Variants in WDR25 observed in about 807,000 individuals in gnomAD.
WDR25 encodes WD repeat domain 25, also known as WD repeat-containing protein 25.
A neutral mutation model predicts 47.7 loss-of-function variants in WDR25; 35 were observed. The observed-to-expected ratio is 0.73, with a 90% CI of 0.56 to 0.97. The LOEUF (loss-of-function observed/expected upper bound fraction) is 0.97. Ranked by LOEUF, WDR25 falls within the 50% of genes least tolerant of loss-of-function variation. The pLI, the probability that WDR25 is intolerant of heterozygous loss-of-function variation, is 0.00. For synonymous variants in WDR25, 248 were observed against 278.9 expected (o/e 0.89, Z 1.10); for missense variants, 634 against 704.7 (o/e 0.90, Z 1.14).
At chr14:100,382,616 G>A (rs2140139575) in intron 2 of WDR25, among the ~76,000 whole-genome samples, 1 of 152,320 alleles carries the variant, frequency 6.6e-6, no homozygotes, top group East Asian at 1.9e-4. Context: ...ATAGGTCGTT[G>A]TGCCCACCTG....
intron 2 of WDR25, among the ~76,000 whole-genome samples, chr14:100,456,719 A>G (rs1439339208): frequency 6.6e-6 from 1 of 152,202 alleles, no homozygotes; most frequent in Non-Finnish European, 1.5e-5. Flanking sequence ...AGCTTGGGGG[A>G]AAAATGAACA....
chr14:100,462,901 C>T (rs991596882), intron 2 of WDR25, among the ~76,000 whole-genome samples: 2 of 74,402 alleles, frequency 2.7e-5, no homozygotes, highest in African/African-American at 2.3e-4. Flanking sequence ...CCTCTCCCCG[C>T]TTCCTCTCCC....
intron 2 of WDR25, among the ~76,000 whole-genome samples, chr14:100,450,603 G>A (rs1245981339): frequency 6.6e-6 from 1 of 152,186 alleles, no homozygotes; most frequent in African/African-American, 2.4e-5. Flanking sequence ...GCCTCTCTTT[G>A]CCCATCTGTA....
At chr14:100,489,504 T>G (rs1232284273) in intron 4 of WDR25, among the ~76,000 whole-genome samples, 1 of 152,224 alleles carries the variant, frequency 6.6e-6, no homozygotes, top group East Asian at 1.9e-4. Context: ...TGAATCAGAT[T>G]TGTTAAGAAA....
At chr14:100,524,164 T>A (rs555392815) in intron 4 of WDR25, among the ~76,000 whole-genome samples, 1 of 152,098 alleles carries the variant, frequency 6.6e-6, no homozygotes, top group East Asian at 1.9e-4. Flanking sequence ...AAGTTTGTCT[T>A]GGGAGGCAGG....
At chr14:100,383,698 T>C (rs1239961293) in intron 2 of WDR25, among the ~76,000 whole-genome samples, 5 of 152,234 alleles carry the variant, frequency 3.3e-5, no homozygotes, top group Non-Finnish European at 5.9e-5. Context: ...ATCCCCATGG[T>C]AGTTTTTGAG....
chr14:100,385,435 A>G (rs1896997324), intron 2 of WDR25, among the ~76,000 whole-genome samples: 1 of 152,178 alleles, frequency 6.6e-6, no homozygotes, highest in East Asian at 1.9e-4. Context: ...TGATCAGGAG[A>G]AAAACAACAC....
At chr14:100,450,768 G>A (rs1899002764) in intron 2 of WDR25, among the ~76,000 whole-genome samples, 1 of 152,224 alleles carries the variant, frequency 6.6e-6, no homozygotes, top group African/African-American at 2.4e-5. Flanking sequence ...GAGAGAGGGA[G>A]TATGTCTTAG....
intron 5 of WDR25, among the ~76,000 whole-genome samples, chr14:100,526,347 C>G (rs2030134316): frequency 6.6e-6 from 1 of 152,174 alleles, no homozygotes; most frequent in African/African-American, 2.4e-5. Flanking sequence ...CCCCACCCTC[C>G]CACTGCCACC....
At chr14:100,518,619 G>A (rs926792991) in intron 4 of WDR25, among the ~76,000 whole-genome samples, 60 of 152,008 alleles carry the variant, frequency 3.9e-4, no homozygotes, top group African/African-American at 1.5e-3. Flanking sequence ...GGCCAGCTGC[G>A]GTGGCTCACA....
chr14:100,481,090 A>G (rs760831592), intron 3 of WDR25: 3 of 430,396 alleles, frequency 7.0e-6, no homozygotes, highest in Non-Finnish European at 1.4e-5. Context: ...ATAAATCTTC[A>G]GACAAAAAAG....
intron 2 of WDR25, among the ~76,000 whole-genome samples, chr14:100,382,882 A>T (rs1386427326): frequency 6.6e-6 from 1 of 152,216 alleles, no homozygotes; most frequent in Admixed American, 6.5e-5. Flanking sequence ...TACCTGGGTC[A>T]TGTGCTCATG....
Position 100,529,104 on chromosome 14 carries a change from A to C in WDR25, c.1309A>C (p.Arg437=), listed in dbSNP as rs1229273752. The C allele has an allele frequency of 1.3e-6, 2 of 1,575,902 alleles. No homozygotes were observed. The highest frequency in any genetic ancestry group is 2.7e-5 in the African/African-American group (2 of 74,078). ...FTCPSLALHP[R]EPVFLAQTNG... is the part of the protein sequence containing the mutation. ...CTGCCCCAGCCTCGCCTTGCACCCG[A>C]GAGAGCCCGTGTTCCTGGCACAGAC... is the stretch of plus-strand genomic sequence containing the variant. Residue 437 remains arginine, a synonymous_variant, in exon 6 of 7, where the codon AGA becomes CGA. Coordinates refer to ENST00000402312, the MANE Select transcript of WDR25 (RefSeq NM_001161476.3). The surrounding 1 kb of genome is among the most constrained non-coding windows in gnomAD (Gnocchi z 5.1).
At chr14:100,494,424 T>C (rs1900664668) in intron 4 of WDR25, among the ~76,000 whole-genome samples, 1 of 152,244 alleles carries the variant, frequency 6.6e-6, no homozygotes, top group South Asian at 2.1e-4. Context: ...CTGCCATATT[T>C]GAGTCTAGTT....
At chr14:100,379,480 C>T (rs1376679144) in intron 1 of WDR25, among the ~76,000 whole-genome samples, 4 of 151,102 alleles carry the variant, frequency 2.6e-5, no homozygotes, top group Admixed American at 6.6e-5. Context: ...CTCCACCTCC[C>T]GGGTTCAAGC....
At chr14:100,431,986 A>G (rs960219379) in intron 2 of WDR25, among the ~76,000 whole-genome samples, 10 of 152,234 alleles carry the variant, frequency 6.6e-5, no homozygotes, top group Non-Finnish European at 1.5e-4. Context: ...CTGGGATTAC[A>G]GGCGTGAGCC....
At position 100,502,765 on chromosome 14, in the gene WDR25, C is replaced by A. The variant is rs542972376; in HGVS notation, c.1101+18641C>A. Among the ~76,000 whole-genome samples, 20 of 152,312 alleles carry A rather than the reference C, an allele frequency of 1.3e-4. No homozygotes were observed. Among genetic ancestry groups the A allele is most frequent in the African/African-American group, 4.8e-4 (20 of 41,572 alleles). The stretch of plus-strand genomic sequence containing the variant: ...ACAGAAGAAGGAGCTAATGATTTTG[C>A]TTGCCACATTGGGAGGCTTGGCTGG... On this transcript the variant is annotated intron_variant, in intron 4 of 6. Transcript: ENST00000402312. This position sits in a 1 kb window ranked among gnomAD's most constrained non-coding sequence, Gnocchi z 4.5.
chr14:100,385,003 G>C (rs1335669241), intron 2 of WDR25, among the ~76,000 whole-genome samples: 1 of 152,204 alleles, frequency 6.6e-6, no homozygotes, highest in Non-Finnish European at 1.5e-5. Context: ...AACGATATTA[G>C]TTGTGAATCA....
intron 4 of WDR25, among the ~76,000 whole-genome samples, chr14:100,487,081 G>A (rs1900411657): frequency 6.6e-6 from 1 of 152,032 alleles, no homozygotes; most frequent in Non-Finnish European, 1.5e-5. Flanking sequence ...TGTAGCATTA[G>A]AAGGATATTC....
Sources: gnomAD v4.1 joint callset for allele counts (sites outside exome capture counted in the v4.1 genomes callset) on GRCh38, gnomAD v4.1.1 for gene constraint, Gnocchi (gnomAD v3.1) non-coding constraint, MANE v1.5 for transcripts, NCBI Gene and HGNC (gene_info 2026-07-23, HGNC 2026-07-21) for gene names.